ARHGAP22: variants seen among roughly 807,000 people sequenced by gnomAD.
ARHGAP22 encodes rho GTPase-activating protein 22.
ARHGAP22 carries 48 observed loss-of-function variants against 59.1 expected under a neutral mutation model. That is an observed-to-expected ratio of 0.81 (90% confidence interval 0.64 to 1.03). The LOEUF (loss-of-function observed/expected upper bound fraction) is 1.03. Among genes scored for constraint, ARHGAP22 ranks in the 50% least tolerant of loss-of-function variants. The pLI is 0.00. For missense variants in ARHGAP22, 1,015 were observed against 958.7 expected (o/e 1.06, Z -0.78); for synonymous variants, 445 against 416.4 (o/e 1.07, Z -0.84).
At chr10:48,622,476 G>A (rs568580776) in intron 1 of ARHGAP22, among the ~76,000 whole-genome samples, 2 of 152,126 alleles carry the variant, frequency 1.3e-5, no homozygotes, top group South Asian at 4.2e-4. Context: ...TACAGTAACT[G>A]TATATGTTTA....
intron 3 of ARHGAP22, among the ~76,000 whole-genome samples, chr10:48,492,918 T>C (rs752096778): frequency 4.6e-5 from 7 of 152,254 alleles, no homozygotes; most frequent in Non-Finnish European, 1.0e-4. Flanking sequence ...TTTATTCCAA[T>C]ATATCTACAA....
chr10:48,581,073 A>C (rs1041203240), intron 2 of ARHGAP22, among the ~76,000 whole-genome samples: 1 of 152,182 alleles, frequency 6.6e-6, no homozygotes, highest in Non-Finnish European at 1.5e-5. Flanking sequence ...TAGGGATCAC[A>C]CATGTACTCT....
chr10:48,453,297 C>A lies in ARHGAP22; in HGVS notation c.988+7G>T, dbSNP rs765924104. 6.2e-7 allele frequency: 1 copy of A among 1,613,308 alleles called. No individual in the cohort carries two copies. The highest frequency in any genetic ancestry group is 8.5e-7 in the Non-Finnish European group (1 of 1,179,654). On this transcript the variant is annotated splice_region_variant and intron_variant, in intron 8 of 9. Coordinates refer to ENST00000249601, the MANE Select transcript of ARHGAP22 (RefSeq NM_021226.4). ...ACCCAGGGCCACCAGGTACACCTCC[C>A]ACTTACCTTCCATGATGGTTACTGG... is the stretch of plus-strand genomic sequence containing the variant.
At chr10:48,567,324 C>T (rs1186556003) in intron 2 of ARHGAP22, among the ~76,000 whole-genome samples, 1 of 152,224 alleles carries the variant, frequency 6.6e-6, no homozygotes, top group African/African-American at 2.4e-5. Flanking sequence ...CATTCTAATG[C>T]CTGCGACCAT....
At chr10:48,510,360 C>A (rs2052629790) in intron 3 of ARHGAP22, among the ~76,000 whole-genome samples, 1 of 152,242 alleles carries the variant, frequency 6.6e-6, no homozygotes, top group South Asian at 2.1e-4. Context: ...GCACTGGGGC[C>A]TGCGGCAAAG....
At chr10:48,618,730 G>A (rs546549479) in intron 1 of ARHGAP22, among the ~76,000 whole-genome samples, 273 of 152,144 alleles carry the variant, frequency 1.8e-3, no homozygotes, top group African/African-American at 6.2e-3. Flanking sequence ...ACAAACCACA[G>A]CCTACATCAT....
intron 9 of ARHGAP22, among the ~76,000 whole-genome samples, chr10:48,449,369 C>G (rs2045669635): frequency 6.6e-6 from 1 of 152,208 alleles, no homozygotes; most frequent in Non-Finnish European, 1.5e-5. Context: ...AGACATGGTG[C>G]CTGTACATGC....
rs138088942 is a variant in ARHGAP22, at chr10:48,570,890, G to T, written c.234+12063C>A. Among the ~76,000 whole-genome samples, 466 of 152,334 alleles carry T rather than the reference G, an allele frequency of 3.1e-3. 2 individuals are homozygous for T. Among genetic ancestry groups the T allele is most frequent in the African/African-American group, 0.011 (445 of 41,580 alleles). On this transcript the variant is annotated intron_variant, in intron 2 of 9. Transcript: ENST00000249601. ...CGCTCTGCACGAAACGGCCATTGAG[G>T]ACTGCCAGGGGTGCCCACAGTGGGA...
At chr10:48,598,738 C>T (rs1479401437) in intron 1 of ARHGAP22, among the ~76,000 whole-genome samples, 1 of 152,226 alleles carries the variant, frequency 6.6e-6, no homozygotes, top group Non-Finnish European at 1.5e-5. Flanking sequence ...CATTCCCTCA[C>T]ATCACCTTGT....
intron 2 of ARHGAP22, among the ~76,000 whole-genome samples, chr10:48,572,209 C>T (rs1837909670): frequency 6.6e-6 from 1 of 152,194 alleles, no homozygotes; most frequent in African/African-American, 2.4e-5. Flanking sequence ...TTAAGTCATA[C>T]ACCTGTACAC....
At chr10:48,465,952 C>A (rs2047620274) in intron 4 of ARHGAP22, among the ~76,000 whole-genome samples, 1 of 152,134 alleles carries the variant, frequency 6.6e-6, no homozygotes, top group South Asian at 2.1e-4. Flanking sequence ...CCAGGCTCTG[C>A]GCTAAGTATT....
intron 3 of ARHGAP22, among the ~76,000 whole-genome samples, chr10:48,513,924 C>T (rs1223415698): frequency 6.6e-6 from 1 of 151,900 alleles, no homozygotes; most frequent in Non-Finnish European, 1.5e-5. Context: ...AATGATGTCC[C>T]ACCAATTACA....
chr10:48,605,885 A>G (rs377000513), upstream of ARHGAP22, among the ~76,000 whole-genome samples: 6 of 152,166 alleles, frequency 3.9e-5, no homozygotes, highest in South Asian at 1.2e-3. Flanking sequence ...ACCGAGCAGC[A>G]GGGCGGGCAC....
At chr10:48,598,960 T>A (rs2060230133) in intron 1 of ARHGAP22, among the ~76,000 whole-genome samples, 1 of 152,242 alleles carries the variant, frequency 6.6e-6, no homozygotes, top group East Asian at 1.9e-4. Context: ...CCTTCCTGGT[T>A]GGGTACCCTT....
chr10:48,566,536 C>G (rs1396181961), intron 2 of ARHGAP22, among the ~76,000 whole-genome samples: 3 of 152,204 alleles, frequency 2.0e-5, no homozygotes, highest in Non-Finnish European at 2.9e-5. Context: ...ATCATTTGTC[C>G]AGCTTCTTTC....
chr10:48,512,332 G>A (rs79785466), intron 3 of ARHGAP22, among the ~76,000 whole-genome samples: 2,013 of 152,360 alleles, frequency 0.013, 50 homozygotes, highest in African/African-American at 0.046. Flanking sequence ...AATCCCAGCC[G>A]TGGGTGGCCT....
rs1251408195 is a variant in ARHGAP22 at position 48,450,433 on chromosome 10, G to T, written c.1696C>A (p.Leu566Met). The change falls in exon 9 of 10, where the codon CTG becomes ATG. Residue 566 changes from leucine (L) to methionine (M), a missense_variant. By Grantham distance (15) the Leu-to-Met change is conservative. Coordinates refer to ENST00000249601, the MANE Select transcript of ARHGAP22 (RefSeq NM_021226.4). ...CCCGCCTCGTCCATGCTGTGGTCCA[G>T]GTCCAGGGACTTGGGGTCCTCGCTG... ...SSSEDPKSLD[L>M]DHSMDEAGAG... is the part of the protein sequence containing the mutation. The T allele has an allele frequency of 6.4e-7, 1 of 1,563,488 alleles. No homozygotes were observed. The highest frequency in any genetic ancestry group is 1.4e-5 in the African/African-American group (1 of 73,744).
intron 1 of ARHGAP22, among the ~76,000 whole-genome samples, chr10:48,590,577 C>T (rs1025166385): frequency 4.6e-5 from 7 of 152,174 alleles, no homozygotes; most frequent in Admixed American, 2.6e-4. Flanking sequence ...CCATCCCATG[C>T]CTCTATATTG....
intron 1 of ARHGAP22, among the ~76,000 whole-genome samples, chr10:48,634,270 C>T (rs1276975198): frequency 5.3e-5 from 8 of 152,314 alleles, no homozygotes; most frequent in Admixed American, 2.0e-4. Flanking sequence ...CTGCCACTAA[C>T]TAGCTGTGAG....
Sources: allele counts gnomAD v4.1 joint callset (sites outside exome capture counted in the v4.1 genomes callset), GRCh38; gene constraint gnomAD v4.1.1; transcripts MANE v1.5; gene names NCBI Gene and HGNC (gene_info 2026-07-23, HGNC 2026-07-21).